Variants in COL5A1 observed in about 807,000 individuals in gnomAD.
The protein encoded by COL5A1 is collagen type V alpha 1 chain, also known as collagen alpha-1(V) chain.
In COL5A1, 16 loss-of-function variants were observed where a neutral mutation model predicts 263.7. The observed-to-expected ratio is 0.06, with a 90% CI of 0.04 to 0.09. The LOEUF (loss-of-function observed/expected upper bound fraction) is 0.09, where lower values mean the gene tolerates loss of function less well. Among genes scored for constraint, COL5A1 ranks in the 10% least tolerant of loss-of-function variants. The pLI is 1.00. For missense variants in COL5A1, 2,036 were observed against 2,540.5 expected (o/e 0.80, Z 4.27); for synonymous variants, 1,012 against 1,004.5 (o/e 1.01, Z -0.14).
chr9:134,835,338 A>G, intron 65 of COL5A1, 134 bp downstream of exon 65: 2 of 755,464 alleles, frequency 2.6e-6, no homozygotes, highest in Non-Finnish European at 4.4e-6. Flanking sequence ...CTCTCGCCCC[A>G]GGCAGCCCCA....
At chr9:134,796,475 C>T (rs1837914338) in intron 35 of COL5A1, 57 bp downstream of exon 35, 2 of 1,569,000 alleles carry the variant, frequency 1.3e-6, no homozygotes, top group Non-Finnish European at 1.8e-6. Context: ...CTCGAATGCC[C>T]CCTGCACTTT....
intron 31 of COL5A1, among the ~76,000 whole-genome samples, chr9:134,787,333 G>A (rs1193872369): frequency 6.6e-6 from 1 of 152,202 alleles, no homozygotes; most frequent in Non-Finnish European, 1.5e-5. Context: ...CTGCACTGAG[G>A]TTTCCTGGGT....
intron 18 of COL5A1, among the ~76,000 whole-genome samples, chr9:134,759,572 C>A (rs1441252463): frequency 7.1e-6 from 1 of 140,670 alleles, no homozygotes; most frequent in Non-Finnish European, 1.5e-5. Flanking sequence ...CATGCACACA[C>A]CACACACCCC....
At chr9:134,807,030 T>C (rs867354643) in intron 42 of COL5A1, among the ~76,000 whole-genome samples, 1 of 152,190 alleles carries the variant, frequency 6.6e-6, no homozygotes. Flanking sequence ...TGCTTCCTGC[T>C]AGCCTGCTTT....
chr9:134,822,005 G>A, intron 58 of COL5A1, 92 bp from the exon 59 acceptor site: 1 of 1,115,920 alleles, frequency 9.0e-7, no homozygotes. Context: ...AAGGGACAGG[G>A]GAGCCGAGGG....
chr9:134,698,796 C>T (rs962360600), intron 2 of COL5A1, among the ~76,000 whole-genome samples: 16 of 152,270 alleles, frequency 1.1e-4, no homozygotes, highest in Admixed American at 2.6e-4. Context: ...CCTGGTTAGC[C>T]TTTGTTCCCA....
Position 134,786,037 on chromosome 9 carries a change from C to A in COL5A1, c.2635C>A (p.Gln879Lys), listed in dbSNP as rs758475317. 3.7e-6 allele frequency: 6 copies of A among 1,613,026 alleles called. No homozygotes were observed. Among genetic ancestry groups the A allele is most frequent in the Non-Finnish European group, 5.1e-6 (6 of 1,179,644 alleles). ...AGGGTTACCAGGGTATCCAGGAAGACAAGGACCAAAGGTAACTTCTGGCCG... is the reference window on the plus strand; with the variant it reads ...AGGGTTACCAGGGTATCCAGGAAGAAAAGGACCAAAGGTAACTTCTGGCCG... ...VPGLPGYPGR[Q>K]GPKGSIGFPG... The change falls in exon 31 of 66, where the codon CAA (glutamine) becomes AAA (lysine). Residue 879 changes from glutamine to lysine, a missense_variant. By Grantham distance (53) the Gln-to-Lys change is moderately conservative. Transcript: ENST00000371817.
chr9:134,661,970 G>A (rs1385807486), intron 1 of COL5A1, among the ~76,000 whole-genome samples: 1 of 152,118 alleles, frequency 6.6e-6, no homozygotes, highest in African/African-American at 2.4e-5. Flanking sequence ...CATGCTGAAA[G>A]CCGCCTTCTC....
chr9:134,717,064 A>G (rs1668953675), intron 4 of COL5A1, among the ~76,000 whole-genome samples: 1 of 152,178 alleles, frequency 6.6e-6, no homozygotes, highest in South Asian at 2.1e-4. Context: ...TCCATTTTGT[A>G]TGACTCACGG....
chr9:134,748,044 T>G (rs936748325), intron 11 of COL5A1, among the ~76,000 whole-genome samples: 1 of 148,586 alleles, frequency 6.7e-6, no homozygotes, highest in Non-Finnish European at 1.5e-5. Context: ...TGCAGACACA[T>G]GCACACATGC....
Position 134,829,995 on chromosome 9 carries a change from C to T in COL5A1, c.5087C>T (p.Pro1696Leu), listed in dbSNP as rs1839534115. The T allele has an allele frequency of 6.2e-7, 1 of 1,613,810 alleles. No homozygotes were observed. The highest frequency in any genetic ancestry group is 8.5e-7 in the Non-Finnish European group (1 of 1,179,942). Residue 1696 changes from proline to leucine, a missense_variant, in exon 64 of 66, where the codon CCC (proline) becomes CTC (leucine). Pro to Leu is a moderately conservative substitution (Grantham distance 98, BLOSUM62 -3). This residue lies in a region of COL5A1 where 358 missense variants were observed against 384.6 expected (regional missense o/e 0.93). Coordinates refer to ENST00000371817, the MANE Select transcript of COL5A1 (RefSeq NM_000093.5). ...KSEGARITSW[P>L]KENPGSWFSE... The stretch of plus-strand genomic sequence containing the variant: ...GTTTAGGCCAGAATCACTTCTTGGC[C>T]CAAAGAAAACCCGGGCTCCTGGTTC...
intron 48 of COL5A1, among the ~76,000 whole-genome samples, chr9:134,813,780 C>T (rs893153176): frequency 2.6e-5 from 4 of 152,262 alleles, no homozygotes; most frequent in African/African-American, 9.6e-5. Context: ...ACACTCTGCC[C>T]TGTATCCATC....
At chr9:134,759,230 A>AC (rs1564437112) in intron 18 of COL5A1, among the ~76,000 whole-genome samples, 3,564 of 120,882 alleles carry the variant, frequency 0.029, 155 homozygotes, top group African/African-American at 0.12. Flanking sequence ...ACACCCACAC[A>AC]TACACCACAT....
intron 25 of COL5A1, among the ~76,000 whole-genome samples, chr9:134,769,602 G>A (rs1444835754): frequency 6.6e-6 from 1 of 152,226 alleles, no homozygotes; most frequent in Non-Finnish European, 1.5e-5. Flanking sequence ...TTCCAGGCTA[G>A]TTTTCTGTTC....
In COL5A1 at chr9:134,690,692, G is replaced by A. The variant is rs57723882; in HGVS notation, c.110-220G>A. ...TCTGGGCTAGCCTGGGTCTGCCCCC[G>A]GTATGTGGCTGCTGGTGGGGACAAG... On this transcript the variant is annotated intron_variant, in intron 1 of 65. Transcript: ENST00000371817. Among the ~76,000 whole-genome samples the A allele has an allele frequency of 1.7e-4, 26 of 152,216 alleles. No homozygotes were observed. In the East Asian group the frequency reaches 3.7e-3, roughly 22 times the overall value.
chr9:134,735,936 C>T (rs1409923769), intron 9 of COL5A1, among the ~76,000 whole-genome samples: 2 of 152,268 alleles, frequency 1.3e-5, no homozygotes, highest in African/African-American at 4.8e-5. Flanking sequence ...CCTCATCAGC[C>T]TGGTACCCAG....
In COL5A1 at chr9:134,795,784, G is replaced by A. The variant is rs562102841; in HGVS notation, c.2799+469G>A. The stretch of plus-strand genomic sequence containing the variant: ...GGGCATTGAAGCCACTCCTTGGGTG[G>A]AGAATCTGGACACAGACCCAGCAGG... On this transcript the variant is annotated intron_variant, in intron 34 of 65. Coordinates refer to ENST00000371817, the MANE Select transcript of COL5A1 (RefSeq NM_000093.5). 4.6e-5 allele frequency among the ~76,000 whole-genome samples: 7 copies of A among 152,370 alleles called. 1 individual carries two copies. The highest frequency in any genetic ancestry group is 1.4e-4 in the African/African-American group (6 of 41,598).
intron 18 of COL5A1, among the ~76,000 whole-genome samples, chr9:134,760,137 CAT>C (rs1205288859): frequency 3.5e-5 from 4 of 113,874 alleles, no homozygotes; most frequent in South Asian, 3.4e-4. Flanking sequence ...CCCACACTCA[CAT>C]GTGCAGACAC....
At chr9:134,702,633 A>G (rs959128994) in intron 4 of COL5A1, among the ~76,000 whole-genome samples, 34 of 152,120 alleles carry the variant, frequency 2.2e-4, no homozygotes, top group African/African-American at 8.2e-4. Context: ...GGTTGAACTG[A>G]CCCTGGGGCT....
Sources: allele counts gnomAD v4.1 joint callset (sites outside exome capture counted in the v4.1 genomes callset), GRCh38; gene constraint gnomAD v4.1.1; regional missense constraint gnomAD v4.1.1; transcripts MANE v1.5; gene names NCBI Gene and HGNC (gene_info 2026-07-23, HGNC 2026-07-21).